TENM2: variants seen among roughly 807,000 people sequenced by gnomAD.
TENM2 encodes teneurin-2.
A neutral mutation model predicts 245.2 loss-of-function variants in TENM2; 52 were observed. That is an observed-to-expected ratio of 0.21 (90% CI 0.17 to 0.27). TENM2 has a LOEUF of 0.27. Among genes scored for constraint, TENM2 ranks in the 10% least tolerant of loss-of-function variants. TENM2 has a pLI of 1.00. For missense variants in TENM2, 3,046 were observed against 3,666.8 expected (o/e 0.83, Z 4.37); for synonymous variants, 1,363 against 1,438.9 (o/e 0.95, Z 1.19).
intron 12 of TENM2, among the ~76,000 whole-genome samples, chr5:168,132,307 G>A (rs1754661502): frequency 6.6e-6 from 1 of 152,228 alleles, no homozygotes; most frequent in Non-Finnish European, 1.5e-5. Flanking sequence ...TTCAGCATCA[G>A]TAGAAACATA....
intron 13 of TENM2, among the ~76,000 whole-genome samples, chr5:168,183,110 G>A (rs930451869): frequency 2.6e-5 from 4 of 152,120 alleles, no homozygotes; most frequent in Non-Finnish European, 5.9e-5. Flanking sequence ...GATTACAGGC[G>A]TGAGCCACCG....
At chr5:167,526,683 T>C (rs1057274243) in intron 2 of TENM2, among the ~76,000 whole-genome samples, 6 of 152,170 alleles carry the variant, frequency 3.9e-5, no homozygotes, top group Non-Finnish European at 7.4e-5. Flanking sequence ...TCTGGATCTT[T>C]ACTCCTAGGA....
At chr5:167,065,654 A>G in the TENM2 span, among the ~76,000 whole-genome samples, 1 of 152,228 alleles carries the variant, frequency 6.6e-6, no homozygotes, top group African/African-American at 2.4e-5. Context: ...TAGAAGTCCA[A>G]TGGGAATTAT....
chr5:167,715,224 A>AT (rs1257143292), intron 2 of TENM2, among the ~76,000 whole-genome samples: 1 of 151,858 alleles, frequency 6.6e-6, no homozygotes, highest in Non-Finnish European at 1.5e-5. Context: ...CTGTGTTGAC[A>AT]TGATAGGCCA....
intron 2 of TENM2, among the ~76,000 whole-genome samples, chr5:167,409,626 A>G (rs1581964122): frequency 6.6e-6 from 1 of 152,000 alleles, no homozygotes; most frequent in Non-Finnish European, 1.5e-5. Flanking sequence ...ATTATAGATG[A>G]TTTTATTTGT....
At chr5:167,184,902 C>A in the TENM2 span, among the ~76,000 whole-genome samples, 1 of 152,100 alleles carries the variant, frequency 6.6e-6, no homozygotes, top group African/African-American at 2.4e-5. Flanking sequence ...TTAGCTTTTC[C>A]CAGCCTTGGT....
chr5:168,194,710 A>C (rs1163171939), intron 14 of TENM2, among the ~76,000 whole-genome samples: 1 of 152,132 alleles, frequency 6.6e-6, no homozygotes, highest in East Asian at 1.9e-4. Context: ...TGTATTTCCC[A>C]GCCATAAAAC....
chr5:167,933,248 GTTTGTTC>G (rs1442198197), intron 3 of TENM2, among the ~76,000 whole-genome samples: 2 of 152,156 alleles, frequency 1.3e-5, no homozygotes, highest in East Asian at 3.9e-4. Context: ...CTAGGTGTTT[GTTTGTTC>G]TTTGTTAACA....
At chr5:167,422,147 C>T (rs902055759) in intron 2 of TENM2, among the ~76,000 whole-genome samples, 4 of 152,136 alleles carry the variant, frequency 2.6e-5, no homozygotes, top group African/African-American at 9.7e-5. Flanking sequence ...ATATTTATGA[C>T]TTTTACAAGT....
At chr5:167,827,613 A>T (rs998230454) in intron 2 of TENM2, among the ~76,000 whole-genome samples, 2 of 16,528 alleles carry the variant, frequency 1.2e-4, no homozygotes, top group Non-Finnish European at 2.5e-4. Context: ...TTATTATGGC[A>T]AGGAGCTAGG....
At chr5:167,002,451 TG>T in the TENM2 span, among the ~76,000 whole-genome samples, 1 of 152,064 alleles carries the variant, frequency 6.6e-6, no homozygotes, top group Non-Finnish European at 1.5e-5. Flanking sequence ...AAATTATAGC[TG>T]CCTATGGATT....
chr5:167,419,544 G>A (rs777468583), intron 2 of TENM2, among the ~76,000 whole-genome samples: 4 of 152,124 alleles, frequency 2.6e-5, no homozygotes, highest in African/African-American at 7.2e-5. Context: ...ATCTTTTCCC[G>A]TTTCACTTAA....
chr5:167,220,346 T>A, the TENM2 span, among the ~76,000 whole-genome samples: 1 of 152,176 alleles, frequency 6.6e-6, no homozygotes, highest in African/African-American at 2.4e-5. Context: ...AGTGTTAGCC[T>A]CTTTCTTTTG....
At chr5:167,670,030 C>T (rs980837681) in intron 2 of TENM2, among the ~76,000 whole-genome samples, 28 of 152,068 alleles carry the variant, frequency 1.8e-4, no homozygotes, top group African/African-American at 6.7e-4. Flanking sequence ...AAGGTAATAC[C>T]CTCAGAGATT....
At chr5:167,933,398 A>T (rs1038123828) in intron 3 of TENM2, among the ~76,000 whole-genome samples, 4 of 152,192 alleles carry the variant, frequency 2.6e-5, no homozygotes, top group African/African-American at 9.6e-5. Flanking sequence ...GACCTCAAGG[A>T]TGGAGACAAA....
At chr5:167,953,698 G>T (rs928644350) in intron 4 of TENM2, among the ~76,000 whole-genome samples, 1 of 152,136 alleles carries the variant, frequency 6.6e-6, no homozygotes, top group African/African-American at 2.4e-5. Flanking sequence ...AGAGAGGAGG[G>T]CTAATTCATA....
the TENM2 span, among the ~76,000 whole-genome samples, chr5:167,148,223 G>A: frequency 6.6e-6 from 1 of 152,142 alleles, no homozygotes; most frequent in African/African-American, 2.4e-5. Flanking sequence ...TGCTGCTTTT[G>A]TTCTCCTTGT....
chr5:167,801,607 G>T (rs1765780454), intron 2 of TENM2, among the ~76,000 whole-genome samples: 1 of 152,048 alleles, frequency 6.6e-6, no homozygotes, highest in South Asian at 2.1e-4. Context: ...AATTCAATTT[G>T]GGGACAGGAA....
At chr5:167,997,055 A>T (rs1784103931) in intron 5 of TENM2, among the ~76,000 whole-genome samples, 1 of 152,158 alleles carries the variant, frequency 6.6e-6, no homozygotes, top group South Asian at 2.1e-4. Flanking sequence ...AAGCACTTTT[A>T]TACAACTATT....
Sources: allele counts gnomAD v4.1 joint callset (sites outside exome capture counted in the v4.1 genomes callset), GRCh38; gene constraint gnomAD v4.1.1; transcripts MANE v1.5; gene names NCBI Gene and HGNC (gene_info 2026-07-23, HGNC 2026-07-21).